The following LRRIQ1 variants were observed in gnomAD, a reference collection of about 807,000 sequenced individuals.
The protein encoded by LRRIQ1 is leucine rich repeats and IQ motif containing 1.
LRRIQ1 carries 210 observed loss-of-function variants against 211.9 expected under a neutral mutation model. That is an observed-to-expected ratio of 0.99 (90% CI 0.89 to 1.11). LRRIQ1 has a LOEUF of 1.11. Ranked by LOEUF, LRRIQ1 falls within the 50% of genes most tolerant of loss-of-function variation. The pLI is 0.00. For missense variants in LRRIQ1, 2,136 were observed against 1,939.5 expected (o/e 1.10, Z -1.90); for synonymous variants, 699 against 650.1 (o/e 1.08, Z -1.14).
intron 1 of LRRIQ1, among the ~76,000 whole-genome samples, chr12:85,257,084 T>TTACATAATATATAATA (rs369912096): frequency 5.6e-5 from 5 of 88,862 alleles, no homozygotes; most frequent in Non-Finnish European, 8.8e-5. Context: ...ATATATATAA[T>TTACATAATATATAATA]TATATTATAT....
At chr12:85,047,667 T>C in intron 6 of LRRIQ1, 197 bp downstream of exon 6, 1 of 487,506 alleles carries the variant, frequency 2.1e-6, no homozygotes, top group Non-Finnish European at 3.7e-6. Flanking sequence ...CATTGGAAGG[T>C]CAGACACACT....
chr12:85,218,288 C>T (rs1894248900), intron 24 of LRRIQ1, among the ~76,000 whole-genome samples: 1 of 151,744 alleles, frequency 6.6e-6, no homozygotes, highest in South Asian at 2.1e-4. Context: ...TCAGTCTTTC[C>T]CTCCTGTCAG....
At chr12:85,050,418 A>G (rs554738623) in intron 6 of LRRIQ1, among the ~76,000 whole-genome samples, 86 of 152,270 alleles carry the variant, frequency 5.6e-4, no homozygotes, top group Non-Finnish European at 8.5e-4. Context: ...CTCCTACAAA[A>G]ACTGCATACT....
At chr12:85,082,868 A>G (rs1209704656) in intron 11 of LRRIQ1, among the ~76,000 whole-genome samples, 1 of 152,126 alleles carries the variant, frequency 6.6e-6, no homozygotes, top group Non-Finnish European at 1.5e-5. Context: ...TAGATTTGGA[A>G]TGAAAGTTTG....
chr12:85,103,970 A>C (rs756261112), intron 13 of LRRIQ1, 34 bp from the exon 14 acceptor site: 2 of 1,355,762 alleles, frequency 1.5e-6, no homozygotes, highest in South Asian at 2.6e-5. Context: ...TTTCCAATTT[A>C]GAATTTTGAT....
intron 1 of LRRIQ1, among the ~76,000 whole-genome samples, chr12:85,260,450 A>G (rs1896252935): frequency 8.9e-6 from 1 of 112,882 alleles, no homozygotes; most frequent in African/African-American, 8.0e-5. Flanking sequence ...TATTACCTTG[A>G]ATAATGCTTG....
intron 19 of LRRIQ1, among the ~76,000 whole-genome samples, chr12:85,143,367 GAT>G (rs2136600718): frequency 6.6e-6 from 1 of 151,730 alleles, no homozygotes; most frequent in Non-Finnish European, 1.5e-5. Flanking sequence ...CCTCTTATCA[GAT>G]ATATGATTTG....
At chr12:85,266,811 C>G (rs1042686432), downstream of LRRIQ1, among the ~76,000 whole-genome samples, 1 of 152,092 alleles carries the variant, frequency 6.6e-6, no homozygotes, top group Non-Finnish European at 1.5e-5. Flanking sequence ...AATAACAAGC[C>G]AAGGTGCTAC....
chr12:85,235,092 A>G (rs552575166), intron 26 of LRRIQ1, among the ~76,000 whole-genome samples: 1 of 152,336 alleles, frequency 6.6e-6, no homozygotes, highest in East Asian at 1.9e-4. Context: ...TCAAACATTT[A>G]AATTCTGGAT....
intron 24 of LRRIQ1, among the ~76,000 whole-genome samples, chr12:85,214,048 T>C (rs1258348022): frequency 1.3e-5 from 2 of 151,926 alleles, no homozygotes; most frequent in Non-Finnish European, 2.9e-5. Flanking sequence ...TTTAAAAACC[T>C]AGAAAAATAT....
chr12:85,187,233 A>G (rs1484664941), intron 24 of LRRIQ1, among the ~76,000 whole-genome samples: 1 of 152,166 alleles, frequency 6.6e-6, no homozygotes, highest in African/African-American at 2.4e-5. Flanking sequence ...AACAATTTAC[A>G]TAGCTTTCCT....
At position 85,141,656 on chromosome 12, in the gene LRRIQ1, A is replaced by G. The variant is rs147003893; in HGVS notation, c.4329+3687A>G. Among the ~76,000 whole-genome samples the G allele has an allele frequency of 6.9e-3, 880 of 128,008 alleles. 14 individuals carry two copies. The highest frequency in any genetic ancestry group is 0.025 in the African/African-American group (830 of 33,368). 84.0% of individuals were successfully genotyped at this position (128,008 alleles called of 152,430 possible). A position where few individuals can be genotyped will look rare whatever the true frequency, so the allele number is the denominator to read the frequency against. ...TCTCATTCAACTTTACTGTGATTTT[A>G]TATTTAAAATGTATCTTATAACTGC... On this transcript the variant is annotated intron_variant, in intron 19 of 26. Transcript: ENST00000393217.
intron 26 of LRRIQ1, among the ~76,000 whole-genome samples, chr12:85,237,286 A>G: frequency 6.6e-6 from 1 of 152,070 alleles, no homozygotes; most frequent in Non-Finnish European, 1.5e-5. Flanking sequence ...TCCACAGTCA[A>G]CTCAGGTAAC....
At chr12:85,249,249 T>C (rs2137293306), downstream of LRRIQ1, among the ~76,000 whole-genome samples, 1 of 151,886 alleles carries the variant, frequency 6.6e-6, no homozygotes, top group South Asian at 2.1e-4. Context: ...ATTCCAAAGA[T>C]GGATATTGAA....
chr12:85,073,162 G>C lies in LRRIQ1; in HGVS notation c.2887+64G>C, dbSNP rs1055783080. On this transcript the variant is annotated intron_variant, in intron 11 of 26. Transcript: ENST00000393217. ...GATTTCTAGAGGAGGTATGGGGAGGGTTGGATCTAGGCAGTCACCATCATC... is the reference window on the plus strand; with the variant it reads ...GATTTCTAGAGGAGGTATGGGGAGGCTTGGATCTAGGCAGTCACCATCATC... The C allele has an allele frequency of 9.1e-6, 11 of 1,211,298 alleles. No homozygotes were observed. The East Asian group carries it at 2.7e-4, about 30-fold the overall frequency. The allele number at this position is 1,211,298 out of a possible 1,614,324, so 75.0% of individuals were successfully genotyped here. A position where few individuals can be genotyped will look rare whatever the true frequency, so the allele number is the denominator to read the frequency against.
chr12:85,206,486 G>A (rs537214385), intron 24 of LRRIQ1, among the ~76,000 whole-genome samples: 3 of 152,242 alleles, frequency 2.0e-5, no homozygotes, highest in Admixed American at 2.0e-4. Flanking sequence ...TGCTTGCACT[G>A]ACAGCAATGG....
intron 15 of LRRIQ1, among the ~76,000 whole-genome samples, chr12:85,111,599 A>T (rs1254633638): frequency 6.6e-6 from 1 of 152,122 alleles, no homozygotes; most frequent in Non-Finnish European, 1.5e-5. Context: ...CCACACTAAG[A>T]AAATATTAAC....
At chr12:85,039,353 TC>T (rs1345788587) in intron 2 of LRRIQ1, among the ~76,000 whole-genome samples, 12 of 151,510 alleles carry the variant, frequency 7.9e-5, no homozygotes, top group Admixed American at 7.9e-4. Flanking sequence ...GAACTATATT[TC>T]CCAAGACATA....
chr12:85,152,977 A>G lies in LRRIQ1; in HGVS notation c.4420-47A>G, dbSNP rs2136672067. ...TGTAAAATAATACAACATAAATGCT[A>G]GGATTTTTTATTTTACTTCACACTT... On this transcript the variant is annotated intron_variant, in intron 20 of 26. Coordinates refer to ENST00000393217, the MANE Select transcript of LRRIQ1 (RefSeq NM_001079910.2). 3.6e-6 allele frequency: 5 copies of G among 1,406,978 alleles called. 1 individual carries two copies. Among genetic ancestry groups the G allele is most frequent in the East Asian group, 4.8e-5 (2 of 41,550 alleles). 87.2% of individuals were successfully genotyped at this position (1,406,978 alleles called of 1,614,324 possible). A position where few individuals can be genotyped will look rare whatever the true frequency, so the allele number is the denominator to read the frequency against.
Sources: gnomAD v4.1 joint callset for allele counts (sites outside exome capture counted in the v4.1 genomes callset) on GRCh38, gnomAD v4.1.1 for gene constraint, MANE v1.5 for transcripts, NCBI Gene and HGNC (gene_info 2026-07-23, HGNC 2026-07-21) for gene names.